BET1: variants seen among roughly 807,000 people sequenced by gnomAD.
BET1 encodes Bet1 golgi vesicular membrane trafficking protein, also known as BET1 homolog.
Under a neutral mutation model 13.9 loss-of-function variants are expected in BET1, and 9 were observed. The observed-to-expected ratio is 0.65, with a 90% confidence interval of 0.39 to 1.13. The LOEUF (loss-of-function observed/expected upper bound fraction) is 1.13. Among genes scored for constraint, BET1 ranks in the 50% most tolerant of loss-of-function variants. The pLI, the probability that BET1 is intolerant of heterozygous loss-of-function variation, is 0.01. For missense variants in BET1, 127 were observed against 133.6 expected (o/e 0.95, Z 0.24); for synonymous variants, 39 against 47.3 (o/e 0.82, Z 0.72).
chr7:93,981,935 C>T lies in BET1; in HGVS notation c.236-5835G>A, dbSNP rs529299636. ...CCTTCCAGCTGGGAAGCAAAGAAAG[C>T]GGAGGATTGTGGGGAGAGTGGATAG... On this transcript the variant is annotated intron_variant and NMD_transcript_variant, in intron 4 of 6. Coordinates refer to the BET1 transcript ENST00000357520. Among the ~76,000 whole-genome samples, 315 of 152,186 alleles carry T rather than the reference C, an allele frequency of 2.1e-3. 2 individuals are homozygous for T. The highest frequency in any genetic ancestry group is 7.3e-3 in the African/African-American group (303 of 41,536).
downstream of BET1, chr7:93,993,016 G>A (rs1795670206): frequency 1.0e-6 from 1 of 984,186 alleles, no homozygotes; most frequent in Non-Finnish European, 1.2e-6. Flanking sequence ...CAGGTTATTA[G>A]GGATGAACAA....
chr7:93,977,837 C>A (rs185475694), intron 4 of BET1, among the ~76,000 whole-genome samples: 66 of 152,222 alleles, frequency 4.3e-4, no homozygotes, highest in Non-Finnish European at 8.5e-4. Flanking sequence ...TTAATGACCA[C>A]CCCATCATAT....
intron 4 of BET1, among the ~76,000 whole-genome samples, chr7:93,987,659 T>G (rs978889655): frequency 6.6e-6 from 1 of 151,948 alleles, no homozygotes; most frequent in African/African-American, 2.4e-5. Context: ...GAGTGTCTGG[T>G]GGGAAAGGGA....
At chr7:94,002,474 AG>A (rs11311158) in intron 1 of BET1, among the ~76,000 whole-genome samples, 9,323 of 135,176 alleles carry the variant, frequency 0.069, 599 homozygotes, top group African/African-American at 0.26. Context: ...AAAAAAAAAA[AG>A]AAAGAAAAAA....
chr7:93,992,612 T>C, downstream of BET1: 5 of 984,852 alleles, frequency 5.1e-6, no homozygotes, highest in Non-Finnish European at 6.0e-6. Context: ...AAATACCTAC[T>C]TGGAGGTATT....
chr7:93,978,032 A>T (rs1795368440), intron 4 of BET1, among the ~76,000 whole-genome samples: 1 of 150,906 alleles, frequency 6.6e-6, no homozygotes, highest in South Asian at 2.1e-4. Flanking sequence ...TCTGTCCTAG[A>T]CTGGTTGTTA....
chr7:93,996,209 C>A, intron 3 of BET1, 56 bp downstream of exon 3: 1 of 1,280,358 alleles, frequency 7.8e-7, no homozygotes. Flanking sequence ...AGTTGAAATT[C>A]TATTATTTGC....
chr7:93,999,129 T>C, intron 2 of BET1, 41 bp downstream of exon 2: 1 of 1,410,926 alleles, frequency 7.1e-7, no homozygotes, highest in Non-Finnish European at 9.7e-7. Context: ...TGTATAGAAA[T>C]ATATGAATTA....
chr7:93,967,262 C>T (rs968215540), intron 6 of BET1, among the ~76,000 whole-genome samples: 1 of 151,848 alleles, frequency 6.6e-6, no homozygotes, highest in African/African-American at 2.4e-5. Flanking sequence ...ACTCACTCAA[C>T]CTTACAGTAG....
chr7:93,999,549 C>T (rs1203807819), intron 1 of BET1: 3 of 468,036 alleles, frequency 6.4e-6, no homozygotes, highest in Non-Finnish European at 1.2e-5. Context: ...ATTGATTGTC[C>T]AGAAGATACA....
At chr7:93,981,677 G>T (rs1795432815) in intron 4 of BET1, among the ~76,000 whole-genome samples, 1 of 152,178 alleles carries the variant, frequency 6.6e-6, no homozygotes, top group South Asian at 2.1e-4. Context: ...GCTGGCTGCT[G>T]CTGTCTCTTT....
downstream of BET1, among the ~76,000 whole-genome samples, chr7:93,988,244 AAT>A (rs1485398107): frequency 5.9e-5 from 9 of 152,350 alleles, no homozygotes; most frequent in African/African-American, 2.2e-4. Context: ...ATACACACCA[AAT>A]ATGTCTTTCC....
At chr7:94,004,101 C>T (rs1034030945) in intron 1 of BET1, 97 bp downstream of exon 1, 6 of 1,574,244 alleles carry the variant, frequency 3.8e-6, no homozygotes, top group African/African-American at 1.4e-5. Context: ...GTTTTTTGGA[C>T]CAAATGCCAG....
intron 4 of BET1, among the ~76,000 whole-genome samples, chr7:93,983,608 A>G (rs574270660): frequency 6.6e-6 from 1 of 152,256 alleles, no homozygotes; most frequent in Non-Finnish European, 1.5e-5. Flanking sequence ...TGCTTACAGA[A>G]TTACACTATA....
At position 93,970,437 on chromosome 7, in the gene BET1, C is replaced by T. The variant is rs530662636; in HGVS notation, c.*137+2138G>A. On this transcript the variant is annotated intron_variant and NMD_transcript_variant, in intron 6 of 6. Coordinates refer to the BET1 transcript ENST00000357520. ...TCCATTAGCTCTCGAGAAGAAAACA[C>T]TTATTTGACCTTTTAAGTAGCTAGA... Among the ~76,000 whole-genome samples the T allele has an allele frequency of 9.9e-5, 15 of 151,834 alleles. No homozygotes were observed. The South Asian group carries it at 3.1e-3, about 31-fold the overall frequency.
At chr7:93,988,649 G>A (rs1487372718), downstream of BET1, among the ~76,000 whole-genome samples, 1 of 152,040 alleles carries the variant, frequency 6.6e-6, no homozygotes, top group Admixed American at 6.6e-5. Context: ...GTTGAATAAA[G>A]CAACACTCGT....
chr7:93,986,678 T>C (rs1305466455), intron 4 of BET1, among the ~76,000 whole-genome samples: 1 of 152,218 alleles, frequency 6.6e-6, no homozygotes, highest in Non-Finnish European at 1.5e-5. Context: ...TGCAGACTTC[T>C]TGGCTAAGGT....
chr7:93,991,796 G>T (rs1435718908), downstream of BET1: 1 of 966,164 alleles, frequency 1.0e-6, no homozygotes, highest in East Asian at 1.1e-4. Flanking sequence ...TTTAGTCAAA[G>T]TTTATTCATC....
At chr7:93,990,339 CTATT>C (rs916932365), downstream of BET1, among the ~76,000 whole-genome samples, 8 of 151,924 alleles carry the variant, frequency 5.3e-5, no homozygotes, top group South Asian at 1.5e-3. Flanking sequence ...GCTGGTCGAA[CTATT>C]TATTAATTAA....
Sources: gnomAD v4.1 joint callset for allele counts (sites outside exome capture counted in the v4.1 genomes callset) on GRCh38, gnomAD v4.1.1 for gene constraint, MANE v1.5 for transcripts, NCBI Gene and HGNC (gene_info 2026-07-23, HGNC 2026-07-21) for gene names.